Variants in ANGPT1 observed in about 807,000 individuals in gnomAD.
ANGPT1 encodes angiopoietin-1.
A neutral mutation model predicts 62.2 loss-of-function variants in ANGPT1; 17 were observed. That is an observed-to-expected ratio of 0.27 (90% confidence interval 0.19 to 0.41). ANGPT1 has a LOEUF of 0.41. Ranked by LOEUF, ANGPT1 falls within the 10% of genes least tolerant of loss-of-function variation. ANGPT1 has a pLI of 1.00. For missense variants in ANGPT1, 478 were observed against 594.9 expected (o/e 0.80, Z 2.04); for synonymous variants, 199 against 198.9 (o/e 1.00, Z 0.00).
intron 3 of ANGPT1, among the ~76,000 whole-genome samples, chr8:107,332,953 T>C (rs887100245): frequency 6.6e-6 from 1 of 152,198 alleles, no homozygotes; most frequent in African/African-American, 2.4e-5. Context: ...TAAACTATTT[T>C]TTTAAAACAT....
intron 1 of ANGPT1, among the ~76,000 whole-genome samples, chr8:107,467,217 A>G (rs1033382443): frequency 1.3e-5 from 2 of 152,004 alleles, no homozygotes; most frequent in Admixed American, 1.3e-4. Context: ...CGATCATTAC[A>G]TATTAAATCC....
intron 2 of ANGPT1, among the ~76,000 whole-genome samples, chr8:107,344,737 A>G (rs1815767267): frequency 6.6e-6 from 1 of 152,214 alleles, no homozygotes; most frequent in Admixed American, 6.5e-5. Flanking sequence ...AGGAAAAGCA[A>G]CACTTACCAC....
intron 6 of ANGPT1, among the ~76,000 whole-genome samples, chr8:107,292,857 A>T (rs1027472709): frequency 1.3e-5 from 2 of 152,188 alleles, no homozygotes; most frequent in African/African-American, 4.8e-5. Flanking sequence ...TCAAGACAGA[A>T]CTGAGGCTAG....
At chr8:107,302,996 T>A (rs535284162) in intron 5 of ANGPT1, among the ~76,000 whole-genome samples, 7 of 151,766 alleles carry the variant, frequency 4.6e-5, no homozygotes, top group Non-Finnish European at 7.4e-5. Flanking sequence ...CAAGGGGACA[T>A]CCTAGGGACA....
chr8:107,280,140 C>T (rs999151561), intron 7 of ANGPT1, among the ~76,000 whole-genome samples: 4 of 152,060 alleles, frequency 2.6e-5, no homozygotes, highest in Non-Finnish European at 5.9e-5. Flanking sequence ...TTATATTGAC[C>T]AGTCATTAGA....
chr8:107,444,127 T>G (rs1206347120), intron 1 of ANGPT1, among the ~76,000 whole-genome samples: 2 of 152,222 alleles, frequency 1.3e-5, no homozygotes, highest in Non-Finnish European at 2.9e-5. Flanking sequence ...TATGTGGATG[T>G]ATCATTCCTG....
chr8:107,316,055 G>T (rs1335648661), intron 4 of ANGPT1, among the ~76,000 whole-genome samples: 1 of 152,088 alleles, frequency 6.6e-6, no homozygotes, highest in Non-Finnish European at 1.5e-5. Flanking sequence ...CATGTTGCTG[G>T]TTTTAAAGAA....
intron 1 of ANGPT1, among the ~76,000 whole-genome samples, chr8:107,455,106 G>C (rs1048793251): frequency 6.6e-6 from 1 of 151,910 alleles, no homozygotes; most frequent in Non-Finnish European, 1.5e-5. Context: ...TCTCTTTCCC[G>C]CTTACTGAGA....
At chr8:107,419,210 A>G (rs1810831782) in intron 1 of ANGPT1, among the ~76,000 whole-genome samples, 1 of 152,104 alleles carries the variant, frequency 6.6e-6, no homozygotes, top group Non-Finnish European at 1.5e-5. Context: ...GCTTCTAGCC[A>G]TTTGAGGAAA....
At chr8:107,370,329 G>GAAA in intron 1 of ANGPT1, among the ~76,000 whole-genome samples, 1 of 28,018 alleles carries the variant, frequency 3.6e-5, no homozygotes, top group African/African-American at 8.3e-5. Context: ...GAAAGAGAAA[G>GAAA]GAAAGAAAGA....
At chr8:107,273,569 G>A (rs932001847) in intron 7 of ANGPT1, among the ~76,000 whole-genome samples, 1 of 151,602 alleles carries the variant, frequency 6.6e-6, no homozygotes, top group Non-Finnish European at 1.5e-5. Context: ...CTCTAAATAA[G>A]GCAGACTGTC....
chr8:107,258,740 G>A (rs1461770412), intron 8 of ANGPT1, among the ~76,000 whole-genome samples: 1 of 152,116 alleles, frequency 6.6e-6, no homozygotes, highest in African/African-American at 2.4e-5. Context: ...TCAGTCTTTT[G>A]GGGTTTGGTT....
chr8:107,426,924 A>G (rs555182737), intron 1 of ANGPT1, among the ~76,000 whole-genome samples: 25 of 152,220 alleles, frequency 1.6e-4, no homozygotes, highest in Non-Finnish European at 3.1e-4. Flanking sequence ...TTGTGTGGAA[A>G]ACCAGAGGAT....
intron 1 of ANGPT1, among the ~76,000 whole-genome samples, chr8:107,374,311 T>C (rs759060839): frequency 1.3e-5 from 2 of 152,212 alleles, no homozygotes; most frequent in African/African-American, 2.4e-5. Flanking sequence ...AGGAAATTAT[T>C]ATAAGATTAG....
intron 4 of ANGPT1, among the ~76,000 whole-genome samples, chr8:107,317,848 C>T (rs1275695409): frequency 1.3e-5 from 2 of 152,064 alleles, no homozygotes; most frequent in African/African-American, 4.8e-5. Context: ...CCAAGCTGGT[C>T]TTGAACTTCT....
At chr8:107,398,574 A>C (rs1816983604) in intron 1 of ANGPT1, among the ~76,000 whole-genome samples, 1 of 148,032 alleles carries the variant, frequency 6.8e-6, no homozygotes, top group Admixed American at 6.9e-5. Context: ...CAGTACTCAC[A>C]AGTATGGAAG....
At chr8:107,292,265 T>A (rs184674648) in intron 6 of ANGPT1, among the ~76,000 whole-genome samples, 1 of 152,296 alleles carries the variant, frequency 6.6e-6, no homozygotes, top group East Asian at 1.9e-4. Flanking sequence ...ATTCCTCCCA[T>A]CCTGCTTATA....
At chr8:107,269,348 C>T (rs927311691) in intron 7 of ANGPT1, among the ~76,000 whole-genome samples, 2 of 151,820 alleles carry the variant, frequency 1.3e-5, no homozygotes, top group African/African-American at 4.8e-5. Context: ...GAGGCTCAAA[C>T]AGAACATTTG....
intron 2 of ANGPT1, among the ~76,000 whole-genome samples, chr8:107,339,186 T>C (rs559350081): frequency 2.6e-5 from 4 of 152,280 alleles, no homozygotes; most frequent in African/African-American, 9.6e-5. Flanking sequence ...CTACTTGCCC[T>C]ACCTCAAGTC....
Sources: allele counts gnomAD v4.1 joint callset (sites outside exome capture counted in the v4.1 genomes callset), GRCh38; gene constraint gnomAD v4.1.1; transcripts MANE v1.5; gene names NCBI Gene and HGNC (gene_info 2026-07-23, HGNC 2026-07-21).